The following PRIMPOL variants were observed in gnomAD, a reference collection of about 807,000 sequenced individuals.
PRIMPOL encodes primase and DNA directed polymerase, also known as DNA-directed primase/polymerase protein.
PRIMPOL carries 54 observed loss-of-function variants against 63.6 expected under a neutral mutation model. The observed-to-expected ratio is 0.85, with a 90% confidence interval of 0.68 to 1.07. The LOEUF (loss-of-function observed/expected upper bound fraction) is 1.07. Ranked by LOEUF, PRIMPOL falls within the 50% of genes least tolerant of loss-of-function variation. The pLI is 0.00. For missense variants in PRIMPOL, 610 were observed against 648.3 expected (o/e 0.94, Z 0.64); for synonymous variants, 197 against 220.2 (o/e 0.89, Z 0.93).
At chr4:184,651,071 C>A (rs973620230) in intron 1 of PRIMPOL, among the ~76,000 whole-genome samples, 1 of 151,998 alleles carries the variant, frequency 6.6e-6, no homozygotes. Context: ...AGGTGGATCA[C>A]GAGGTCAGGA....
At chr4:184,681,081 G>A (rs1197682221) in intron 8 of PRIMPOL, among the ~76,000 whole-genome samples, 1 of 152,134 alleles carries the variant, frequency 6.6e-6, no homozygotes, top group South Asian at 2.1e-4. Flanking sequence ...AGAGGTGGAG[G>A]GTTCTTCTAC....
intron 3 of PRIMPOL, 191 bp downstream of exon 3, chr4:184,657,511 A>C: frequency 2.0e-6 from 1 of 506,078 alleles, no homozygotes; most frequent in Non-Finnish European, 3.5e-6. Context: ...ATTCCTGTGA[A>C]TCATTAACCA....
intron 7 of PRIMPOL, among the ~76,000 whole-genome samples, chr4:184,674,517 T>A (rs781150365): frequency 6.6e-6 from 1 of 152,136 alleles, no homozygotes; most frequent in Admixed American, 6.5e-5. Context: ...TACTGTGTAA[T>A]TGGAATCATA....
rs1468893498 is a variant in PRIMPOL at position 184,678,395 on chromosome 4, G to A, written c.1007+1G>A. 1 of 1,597,520 alleles carries A rather than the reference G, an allele frequency of 6.3e-7. No individual in the cohort carries two copies. ...TCTCTTCTTTGGTCAGCAATGTCAGGTATGTAGTAGCAGCATCAAACCATT... is the reference window on the plus strand; with the variant it reads ...TCTCTTCTTTGGTCAGCAATGTCAGATATGTAGTAGCAGCATCAAACCATT... On this transcript the variant is annotated splice_donor_variant, in intron 8 of 13. Coordinates refer to ENST00000314970, the MANE Select transcript of PRIMPOL (RefSeq NM_152683.4). LOFTEE classifies it high-confidence loss of function.
chr4:184,685,871 G>A (rs1281907305), intron 11 of PRIMPOL, among the ~76,000 whole-genome samples, 187 bp downstream of exon 11: 1 of 151,976 alleles, frequency 6.6e-6, no homozygotes, highest in Non-Finnish European at 1.5e-5. Flanking sequence ...GCGCGATCGC[G>A]GCTCAGTGCA....
Position 184,661,901 on chromosome 4 carries a change from G to C in PRIMPOL, c.406G>C (p.Glu136Gln). The C allele has an allele frequency of 6.2e-7, 1 of 1,607,290 alleles. No individual in the cohort carries two copies. The highest frequency in any genetic ancestry group is 1.1e-5 in the South Asian group (1 of 89,898). Residue 136 changes from glutamate (E) to glutamine (Q), a missense_variant and splice_region_variant, in exon 5 of 14, where the codon GAG becomes CAG. Coordinates refer to ENST00000314970, the MANE Select transcript of PRIMPOL (RefSeq NM_152683.4). ...GAAAAAGATGGTTGCATTACTCATT[G>C]AGGTAAATGGCCAACTCAAGTTTTT... is the stretch of plus-strand genomic sequence containing the variant. ...DGKKMVALLI[E>Q]YVCKALQELY...
chr4:184,658,041 T>C (rs1263125407), intron 3 of PRIMPOL, among the ~76,000 whole-genome samples: 2 of 133,100 alleles, frequency 1.5e-5, no homozygotes, highest in Admixed American at 7.7e-5. Flanking sequence ...TAAATATCAC[T>C]AAATCAAGCA....
chr4:184,666,899 A>G (rs994820770), intron 6 of PRIMPOL, among the ~76,000 whole-genome samples: 6 of 152,234 alleles, frequency 3.9e-5, no homozygotes, highest in African/African-American at 1.2e-4. Context: ...CAAAGGAGAA[A>G]CACATAGTTA....
At chr4:184,669,810 G>A (rs1424691573) in intron 6 of PRIMPOL, among the ~76,000 whole-genome samples, 1 of 152,208 alleles carries the variant, frequency 6.6e-6, no homozygotes, top group Non-Finnish European at 1.5e-5. Context: ...TGGGCTGCCA[G>A]CTCAGCCCCT....
chr4:184,670,430 C>A (rs917878942), intron 6 of PRIMPOL, among the ~76,000 whole-genome samples: 2 of 152,134 alleles, frequency 1.3e-5, no homozygotes, highest in Non-Finnish European at 2.9e-5. Context: ...TCCTTCATTG[C>A]AGAAGTAATC....
At chr4:184,682,911 A>ATT (rs1433395571) in intron 9 of PRIMPOL, among the ~76,000 whole-genome samples, 2 of 151,952 alleles carry the variant, frequency 1.3e-5, no homozygotes, top group African/African-American at 4.8e-5. Flanking sequence ...TTAGCCAGGA[A>ATT]TTGTGGTGCA....
intron 7 of PRIMPOL, 73 bp from the exon 8 acceptor site, chr4:184,678,159 C>A (rs978374557): frequency 1.1e-6 from 1 of 930,532 alleles, no homozygotes; most frequent in Non-Finnish European, 1.6e-6. Context: ...TATATAAAAA[C>A]TTAATATTTG....
At chr4:184,670,103 G>T (rs1186511991) in intron 6 of PRIMPOL, among the ~76,000 whole-genome samples, 1 of 152,146 alleles carries the variant, frequency 6.6e-6, no homozygotes, top group African/African-American at 2.4e-5. Flanking sequence ...CATGAGGGTT[G>T]GGGGCAATAA....
intron 11 of PRIMPOL, among the ~76,000 whole-genome samples, chr4:184,687,357 C>T (rs1757254709): frequency 6.6e-6 from 1 of 152,030 alleles, no homozygotes; most frequent in Non-Finnish European, 1.5e-5. Context: ...AGGTGTGAGC[C>T]ACCGCACCCA....
At chr4:184,660,499 G>C (rs1274953441) in intron 4 of PRIMPOL, among the ~76,000 whole-genome samples, 1 of 152,154 alleles carries the variant, frequency 6.6e-6, no homozygotes, top group Non-Finnish European at 1.5e-5. Context: ...GTATTTCTCA[G>C]ACTTGAGTAA....
rs192334462 is a variant in PRIMPOL, at chr4:184,680,998, C to T, written c.1008-1250C>T. Among the ~76,000 whole-genome samples the T allele has an allele frequency of 3.3e-5, 5 of 152,332 alleles. No individual in the cohort carries two copies. The East Asian group carries it at 9.6e-4, about 29-fold the overall frequency. On this transcript the variant is annotated intron_variant, in intron 8 of 13. Transcript: ENST00000314970. ...GTTCTAGCTCATATGGGAAAAGCAACTACAGCCCGAAGTGCAGGTAATCTC... is the reference window on the plus strand; with the variant it reads ...GTTCTAGCTCATATGGGAAAAGCAATTACAGCCCGAAGTGCAGGTAATCTC...
At chr4:184,693,714 C>T (rs1759652027) in intron 13 of PRIMPOL, among the ~76,000 whole-genome samples, 1 of 152,212 alleles carries the variant, frequency 6.6e-6, no homozygotes, top group Non-Finnish European at 1.5e-5. Context: ...TTTGTTAACA[C>T]TTGGCCACAT....
At chr4:184,661,932 T>C (rs200265666) in intron 5 of PRIMPOL, 29 bp downstream of exon 5, 2 of 1,399,590 alleles carry the variant, frequency 1.4e-6, no homozygotes, top group South Asian at 2.4e-5. Flanking sequence ...TTTTTCTTAT[T>C]TCTATCCATC....
intron 2 of PRIMPOL, among the ~76,000 whole-genome samples, chr4:184,654,374 G>A (rs945670855): frequency 5.3e-5 from 8 of 151,732 alleles, no homozygotes; most frequent in Middle Eastern, 3.4e-3. Flanking sequence ...TTAGCTGCAC[G>A]TGAAGCAGAT....
Sources: allele counts gnomAD v4.1 joint callset (sites outside exome capture counted in the v4.1 genomes callset), GRCh38; gene constraint gnomAD v4.1.1; transcripts MANE v1.5; gene names NCBI Gene and HGNC (gene_info 2026-07-23, HGNC 2026-07-21).